Variants in CDH4 observed in about 807,000 individuals in gnomAD.
CDH4 encodes the protein cadherin 4, also known as cadherin-4.
Under a neutral mutation model 86.0 loss-of-function variants are expected in CDH4, and 33 were observed. The ratio of observed to expected loss-of-function variants is 0.38; its 90% CI spans 0.29 to 0.51. CDH4 has a LOEUF of 0.51. CDH4 is among the 20% of genes least tolerant of loss of function. The pLI, the probability that CDH4 is intolerant of heterozygous loss-of-function variation, is 0.86. For synonymous variants in CDH4, 555 were observed against 549.4 expected, an observed-to-expected ratio of 1.01 and a Z score of -0.14; for missense variants, 1,114 against 1,307.4, an observed-to-expected ratio of 0.85 and a Z score of 2.28.
At chr20:61,352,636 A>G (rs770221727) in intron 2 of CDH4, among the ~76,000 whole-genome samples, 27 of 152,262 alleles carry the variant, frequency 1.8e-4, no homozygotes, top group Non-Finnish European at 3.4e-4. Flanking sequence ...CTGCTGGGGT[A>G]GGCCGTTTCG....
At chr20:61,884,011 A>G (rs569325205) in intron 7 of CDH4, among the ~76,000 whole-genome samples, 38 of 152,220 alleles carry the variant, frequency 2.5e-4, no homozygotes, top group African/African-American at 8.7e-4. Context: ...CCTGCCCCCA[A>G]CAGCAGGCCG....
intron 2 of CDH4, among the ~76,000 whole-genome samples, chr20:61,487,138 TC>T (rs2085601300): frequency 6.6e-6 from 1 of 152,208 alleles, no homozygotes; most frequent in South Asian, 2.1e-4. Flanking sequence ...AAGGTCTAGG[TC>T]CAGTTTTATT....
intron 2 of CDH4, among the ~76,000 whole-genome samples, chr20:61,508,380 C>T (rs1016280709): frequency 2.0e-5 from 3 of 152,262 alleles, no homozygotes; most frequent in African/African-American, 7.2e-5. Flanking sequence ...TGCACACTTT[C>T]AGCCACACGG....
At chr20:61,757,103 C>T (rs2088574267) in intron 3 of CDH4, among the ~76,000 whole-genome samples, 2 of 152,226 alleles carry the variant, frequency 1.3e-5, no homozygotes, top group Admixed American at 6.5e-5. Context: ...TGAATAACCT[C>T]CACGCTCCTG....
chr20:61,803,051 C>A lies in CDH4; in HGVS notation c.576+29869C>A, dbSNP rs555594550. 7.2e-5 allele frequency among the ~76,000 whole-genome samples: 11 copies of A among 152,344 alleles called. No individual in the cohort carries two copies. The East Asian group carries it at 2.1e-3, about 29-fold the overall frequency. The stretch of plus-strand genomic sequence containing the variant: ...TTTACCAACAGGTCTGGACAGCGCT[C>A]CCCTCCTTCCCACGCCCCCACTGCT... On this transcript the variant is annotated intron_variant, in intron 4 of 15. Transcript: ENST00000614565.
At chr20:61,584,650 GATAAAAT>G (rs1261632014) in intron 2 of CDH4, among the ~76,000 whole-genome samples, 2 of 152,170 alleles carry the variant, frequency 1.3e-5, no homozygotes, top group African/African-American at 4.8e-5. Context: ...CTAAAACAAT[GATAAAAT>G]ATAACACGAG....
chr20:61,651,518 C>T (rs1365337492), intron 2 of CDH4, among the ~76,000 whole-genome samples: 2 of 152,180 alleles, frequency 1.3e-5, no homozygotes, highest in Non-Finnish European at 2.9e-5. Context: ...CAGCCCCCGC[C>T]TGGAGGCCAC....
intron 2 of CDH4, among the ~76,000 whole-genome samples, chr20:61,449,430 C>A (rs2085368583): frequency 6.6e-6 from 1 of 152,232 alleles, no homozygotes; most frequent in South Asian, 2.1e-4. Flanking sequence ...AGTCACTCCG[C>A]TAATAAGGAC....
At chr20:61,273,473 TGGGGGAG>T (rs1309652784) in intron 2 of CDH4, among the ~76,000 whole-genome samples, 1 of 9,286 alleles carries the variant, frequency 1.1e-4, no homozygotes, top group African/African-American at 3.3e-4. Flanking sequence ...ATGTGCAGTT[TGGGGGAG>T]TATTGGGGGA....
chr20:61,559,797 G>A (rs2086203285), intron 2 of CDH4, among the ~76,000 whole-genome samples: 2 of 152,104 alleles, frequency 1.3e-5, no homozygotes, highest in Non-Finnish European at 2.9e-5. Context: ...GGGATTATAG[G>A]TGTGAGCCAC....
chr20:61,772,979 C>G, intron 3 of CDH4, 24 bp from the exon 4 acceptor site: 1 of 1,595,608 alleles, frequency 6.3e-7, no homozygotes. Flanking sequence ...TTCTCTGCCT[C>G]TTCTCTCCCC....
At chr20:61,767,260 T>C (rs2088710810) in intron 3 of CDH4, among the ~76,000 whole-genome samples, 1 of 152,176 alleles carries the variant, frequency 6.6e-6, no homozygotes, top group Admixed American at 6.5e-5. Flanking sequence ...ATCAGTAACT[T>C]TGTGTGGATG....
At position 61,529,869 on chromosome 20, in the gene CDH4, G is replaced by A. The variant is rs548401404; in HGVS notation, c.170-213694G>A. On this transcript the variant is annotated intron_variant, in intron 2 of 15. Transcript: ENST00000614565. ...TTTCTTTTTTTTGAGATGGAGTCTC[G>A]CTATGTCACCCAGGCTAGAGTGCAG... Among the ~76,000 whole-genome samples, 195 of 152,112 alleles carry A rather than the reference G, an allele frequency of 1.3e-3. 1 individual carries two copies. The highest frequency in any genetic ancestry group is 2.4e-3 in the Non-Finnish European group (165 of 67,998).
At chr20:61,560,402 TGAG>T (rs1168053957) in intron 2 of CDH4, among the ~76,000 whole-genome samples, 1 of 152,236 alleles carries the variant, frequency 6.6e-6, no homozygotes, top group African/African-American at 2.4e-5. Flanking sequence ...AACCATTGTT[TGAG>T]GAGTTTTGCA....
rs1412046220 is a variant in CDH4 at position 61,258,333 on chromosome 20, AAAAAAAAAAAAAG to A, written c.169+3413_169+3425del. ...CAAAAGAACGAGACTCCGTCTCAAA[AAAAAAAAAAAAAG>A]AAAAAAAAAAAAGAAAGAGGAGCAT... is the stretch of plus-strand genomic sequence containing the variant. On this transcript the variant is annotated intron_variant, in intron 2 of 15. Coordinates refer to ENST00000614565, the MANE Select transcript of CDH4 (RefSeq NM_001794.5). Among the ~76,000 whole-genome samples the A allele has an allele frequency of 1.5e-4, 20 of 133,732 alleles. No individual in the cohort carries two copies. The East Asian group carries it at 3.5e-3, about 24-fold the overall frequency. The allele number at this position is 133,732 out of a possible 152,430, so 87.7% of individuals were successfully genotyped here.
chr20:61,589,850 G>A (rs1429409891), intron 2 of CDH4, among the ~76,000 whole-genome samples: 2 of 151,672 alleles, frequency 1.3e-5, no homozygotes, highest in East Asian at 1.9e-4. Context: ...GAAAGACAAG[G>A]TTCAGCCCCA....
At chr20:61,386,567 G>T (rs777073341) in intron 2 of CDH4, among the ~76,000 whole-genome samples, 1 of 152,186 alleles carries the variant, frequency 6.6e-6, no homozygotes, top group Admixed American at 6.5e-5. Context: ...AGATGGAGGC[G>T]GTTTGGCACC....
intron 2 of CDH4, among the ~76,000 whole-genome samples, chr20:61,549,809 C>T (rs2086114502): frequency 6.6e-6 from 1 of 152,220 alleles, no homozygotes; most frequent in South Asian, 2.1e-4. Flanking sequence ...GAAACATTCC[C>T]CAAATCACAA....
intron 8 of CDH4, 41 bp downstream of exon 8, chr20:61,895,088 A>G (rs751454638): frequency 1.9e-6 from 3 of 1,605,202 alleles, no homozygotes; most frequent in Non-Finnish European, 2.6e-6. Context: ...TGGCCCGTGC[A>G]GGGCAGGAAT....
Sources: gnomAD v4.1 joint callset for allele counts (sites outside exome capture counted in the v4.1 genomes callset) on GRCh38, gnomAD v4.1.1 for gene constraint, MANE v1.5 for transcripts, NCBI Gene and HGNC (gene_info 2026-07-23, HGNC 2026-07-21) for gene names.